Variants in CORO1C observed in about 807,000 individuals in gnomAD.
The protein encoded by CORO1C is coronin-1C.
Under a neutral mutation model 51.2 loss-of-function variants are expected in CORO1C, and 14 were observed. The ratio of observed to expected loss-of-function variants is 0.27; its 90% CI spans 0.18 to 0.43. The LOEUF (loss-of-function observed/expected upper bound fraction) is 0.43. Ranked by LOEUF, CORO1C falls within the 20% of genes least tolerant of loss-of-function variation. The pLI is 1.00. For synonymous variants in CORO1C, 181 were observed against 210.5 expected (o/e 0.86, Z 1.21); for missense variants, 417 against 607.8 (o/e 0.69, Z 3.30).
At chr12:108,691,117 C>T (rs1253973133) in intron 2 of CORO1C, among the ~76,000 whole-genome samples, 1 of 152,036 alleles carries the variant, frequency 6.6e-6, no homozygotes, top group East Asian at 1.9e-4. Flanking sequence ...GGGGCTAATG[C>T]CTTGGGCTCC....
chr12:108,708,462 G>GT (rs370271921), intron 1 of CORO1C, among the ~76,000 whole-genome samples: 9,437 of 143,548 alleles, frequency 0.066, 359 homozygotes, highest in African/African-American at 0.12. Flanking sequence ...GTTGCTTAGA[G>GT]TTTTTTTTTT....
At chr12:108,680,318 G>C (rs1339962617) in intron 2 of CORO1C, among the ~76,000 whole-genome samples, 1 of 152,176 alleles carries the variant, frequency 6.6e-6, no homozygotes, top group Non-Finnish European at 1.5e-5. Flanking sequence ...CCTGTTTACA[G>C]ACCTAAGGCC....
At chr12:108,652,494 A>G (rs181887884) in intron 7 of CORO1C, 77 bp from the exon 8 acceptor site, 1 of 1,229,984 alleles carries the variant, frequency 8.1e-7, no homozygotes. Flanking sequence ...TCTCTCCTCT[A>G]CAAACCCAGC....
intron 1 of CORO1C, among the ~76,000 whole-genome samples, chr12:108,727,091 C>T (rs1025947271): frequency 4.6e-5 from 7 of 152,206 alleles, no homozygotes; most frequent in Non-Finnish European, 1.0e-4. Context: ...ATTCATTCAG[C>T]GAATATCCAG....
chr12:108,729,532 C>A (rs73193433), intron 1 of CORO1C, among the ~76,000 whole-genome samples: 4,081 of 152,296 alleles, frequency 0.027, 71 homozygotes, highest in Non-Finnish European at 0.044. Context: ...TCAGTACACA[C>A]GACTAACCTC....
At chr12:108,657,494 C>T (rs779554696) in intron 5 of CORO1C, 71 bp from the exon 6 acceptor site, 221 of 1,519,222 alleles carry the variant, frequency 1.5e-4, no homozygotes, top group East Asian at 4.2e-4. Flanking sequence ...AACTCGGGCA[C>T]AGATCCAACC....
At chr12:108,695,641 C>G (rs913658623) in intron 2 of CORO1C, among the ~76,000 whole-genome samples, 1 of 152,076 alleles carries the variant, frequency 6.6e-6, no homozygotes, top group Non-Finnish European at 1.5e-5. Flanking sequence ...GAAGAAAAGA[C>G]CACCAAGTAT....
intron 3 of CORO1C, among the ~76,000 whole-genome samples, chr12:108,664,468 A>G (rs1308517209): frequency 6.6e-6 from 1 of 152,222 alleles, no homozygotes; most frequent in African/African-American, 2.4e-5. Context: ...TCATTTTTAC[A>G]GCTAAATTCT....
At chr12:108,678,166 T>C (rs547222542) in intron 3 of CORO1C, 106 bp downstream of exon 3, 1 of 944,264 alleles carries the variant, frequency 1.1e-6, no homozygotes, top group South Asian at 2.8e-5. Flanking sequence ...GCTATAACGT[T>C]CTGCTTTTCA....
intron 1 of CORO1C, among the ~76,000 whole-genome samples, chr12:108,706,217 A>G (rs1012666615): frequency 6.6e-6 from 1 of 151,476 alleles, no homozygotes; most frequent in African/African-American, 2.4e-5. Context: ...AAAAAAAAGC[A>G]TTTGACAAAA....
At chr12:108,655,283 T>A (rs1362414521) in intron 6 of CORO1C, among the ~76,000 whole-genome samples, 1 of 152,316 alleles carries the variant, frequency 6.6e-6, no homozygotes, top group East Asian at 1.9e-4. Flanking sequence ...ATTTATGAAA[T>A]ATGAACTTAT....
At chr12:108,703,574 G>A (rs907984192) in intron 1 of CORO1C, among the ~76,000 whole-genome samples, 1 of 152,168 alleles carries the variant, frequency 6.6e-6, no homozygotes. Flanking sequence ...GCACAAAAAG[G>A]ACATCAAGGC....
chr12:108,658,947 A>G lies in CORO1C; in HGVS notation c.449-28T>C. On this transcript the variant is annotated intron_variant, in intron 4 of 10. Transcript: ENST00000261401. The surrounding 1 kb of genome is among the most constrained non-coding windows in gnomAD (Gnocchi z 4.9). ...AAAACAGGCAAAACCATCAGAGATT[A>G]GAAGATTAGAAACACCTATGTAACA... The G allele has an allele frequency of 6.3e-7, 1 of 1,592,302 alleles. No homozygotes were observed. Among genetic ancestry groups the G allele is most frequent in the Non-Finnish European group, 8.6e-7 (1 of 1,162,262 alleles).
At chr12:108,664,766 T>C (rs2033409194) in intron 3 of CORO1C, among the ~76,000 whole-genome samples, 1 of 152,254 alleles carries the variant, frequency 6.6e-6, no homozygotes, top group African/African-American at 2.4e-5. Flanking sequence ...CAAGAATTTA[T>C]GATTAGTGAA....
intron 2 of CORO1C, among the ~76,000 whole-genome samples, chr12:108,693,134 A>C (rs945567328): frequency 6.6e-6 from 1 of 152,030 alleles, no homozygotes; most frequent in African/African-American, 2.4e-5. Flanking sequence ...CTAAAGAAAA[A>C]TTCGTTCACA....
At position 108,647,532 on chromosome 12, in the gene CORO1C, C is replaced by CA; in HGVS notation, c.1306-11dup. 4.5e-6 allele frequency: 7 copies of CA among 1,566,892 alleles called. No homozygotes were observed. Among genetic ancestry groups the CA allele is most frequent in the Non-Finnish European group, 6.1e-6 (7 of 1,150,760 alleles). ...ACTTGGCTTCATTTTGCTAAGAAAA[C>CA]AAAAAAAGGAGGCAGTGATTAAAAT... On this transcript the variant is annotated splice_polypyrimidine_tract_variant and intron_variant, in intron 10 of 10. Transcript: ENST00000261401.
At chr12:108,716,950 T>A (rs1436211651) in intron 1 of CORO1C, among the ~76,000 whole-genome samples, 2 of 152,210 alleles carry the variant, frequency 1.3e-5, no homozygotes, top group Non-Finnish European at 2.9e-5. Flanking sequence ...GAGACACAAC[T>A]GTGAGCAAGC....
intron 7 of CORO1C, among the ~76,000 whole-genome samples, chr12:108,652,726 C>T (rs1314031122): frequency 6.6e-6 from 1 of 152,182 alleles, no homozygotes; most frequent in East Asian, 1.9e-4. Context: ...AATGCCTCTG[C>T]CAAACAGCTA....
intron 8 of CORO1C, chr12:108,652,055 C>CTTTCTT (rs746156983): frequency 7.2e-6 from 1 of 139,544 alleles, no homozygotes; most frequent in Non-Finnish European, 1.3e-5. Flanking sequence ...TTTTTCTTTT[C>CTTTCTT]TTTTTTTTTT....
Sources: gnomAD v4.1 joint callset for allele counts (sites outside exome capture counted in the v4.1 genomes callset) on GRCh38, gnomAD v4.1.1 for gene constraint, Gnocchi (gnomAD v3.1) non-coding constraint, MANE v1.5 for transcripts, NCBI Gene and HGNC (gene_info 2026-07-23, HGNC 2026-07-21) for gene names.